RTL4: variants seen among roughly 807,000 people sequenced by gnomAD.
The protein encoded by RTL4 is retrotransposon Gag like 4.
RTL4 carries 4 observed loss-of-function variants against 5.3 expected under a neutral mutation model. The ratio of observed to expected loss-of-function variants is 0.75; its 90% CI spans 0.37 to 1.72. The LOEUF (loss-of-function observed/expected upper bound fraction) is 1.72. Ranked by LOEUF, RTL4 falls within the 40% of genes most tolerant of loss-of-function variation. The pLI is 0.04. For missense variants in RTL4, 260 were observed against 227.1 expected, an observed-to-expected ratio of 1.14 and a Z score of -0.93; for synonymous variants, 98 against 87.3, an observed-to-expected ratio of 1.12 and a Z score of -0.68.
the RTL4 span, among the ~76,000 whole-genome samples, chrX:112,201,284 T>C: frequency 9.0e-6 from 1 of 111,491 alleles, no homozygotes; most frequent in Non-Finnish European, 1.9e-5. Context: ...ATGAGGATTA[T>C]GGGGATTACA....
At chrX:112,254,817 T>C in the RTL4 span, among the ~76,000 whole-genome samples, 210 of 111,766 alleles carry the variant, frequency 1.9e-3, no homozygotes, top group African/African-American at 6.5e-3. Flanking sequence ...CTCATACAAG[T>C]ATAAAAATGA....
the RTL4 span, among the ~76,000 whole-genome samples, chrX:112,329,892 G>C: frequency 9.1e-6 from 1 of 110,229 alleles, no homozygotes; most frequent in Admixed American, 9.6e-5. Flanking sequence ...CATATAAACA[G>C]AACCAAAGAC....
chrX:112,305,653 A>G, the RTL4 span, among the ~76,000 whole-genome samples: 60 of 111,722 alleles, frequency 5.4e-4, 1 homozygote, highest in Admixed American at 1.8e-3. Context: ...CGTGAGCCAC[A>G]ACACCCGGCC....
At chrX:112,378,370 T>A in the RTL4 span, among the ~76,000 whole-genome samples, 2 of 111,793 alleles carry the variant, frequency 1.8e-5, 1 homozygote, top group Admixed American at 1.9e-4. Context: ...ATTCACTCTG[T>A]CTAGAAGACA....
chrX:112,309,552 G>C, the RTL4 span, among the ~76,000 whole-genome samples: 1 of 108,549 alleles, frequency 9.2e-6, no homozygotes, highest in Admixed American at 1.0e-4. Flanking sequence ...GCAGTGGCAC[G>C]ATCTCGGGTC....
the RTL4 span, among the ~76,000 whole-genome samples, chrX:112,096,651 G>A: frequency 9.0e-6 from 1 of 111,523 alleles, no homozygotes; most frequent in Admixed American, 9.6e-5. Context: ...TAAACAATAT[G>A]GTATAGTCAT....
the RTL4 span, among the ~76,000 whole-genome samples, chrX:112,304,673 A>T: frequency 1.3e-5 from 1 of 75,977 alleles, no homozygotes; most frequent in African/African-American, 5.4e-5. Context: ...TTTGGCTCAC[A>T]GCTATCTTTT....
the RTL4 span, among the ~76,000 whole-genome samples, chrX:112,192,658 C>T: frequency 3.6e-5 from 4 of 111,052 alleles, no homozygotes; most frequent in Admixed American, 2.9e-4. Context: ...TTCTATAGCT[C>T]CATTCTCTCT....
the RTL4 span, among the ~76,000 whole-genome samples, chrX:112,126,724 G>A: frequency 9.0e-6 from 1 of 111,361 alleles, no homozygotes; most frequent in Non-Finnish European, 1.9e-5. Context: ...TAAAAGTGAA[G>A]ACAATACTAC....
At chrX:112,166,026 C>T in the RTL4 span, among the ~76,000 whole-genome samples, 1 of 112,167 alleles carries the variant, frequency 8.9e-6, no homozygotes, top group Non-Finnish European at 1.9e-5. Flanking sequence ...TTGCTGACAC[C>T]TCCTCCATCC....
the RTL4 span, among the ~76,000 whole-genome samples, chrX:112,432,311 C>T: frequency 1.0e-3 from 94 of 92,108 alleles, 6 homozygotes; most frequent in Non-Finnish European, 1.8e-3. Flanking sequence ...ACCACACTGA[C>T]TTCCACAATG....
chrX:112,298,175 A>G, the RTL4 span, among the ~76,000 whole-genome samples: 9 of 111,614 alleles, frequency 8.1e-5, no homozygotes, highest in Admixed American at 8.6e-4. Context: ...TAAGCAATAT[A>G]TAATATTGTA....
chrX:112,083,041 G>T, the RTL4 span, among the ~76,000 whole-genome samples: 1 of 110,135 alleles, frequency 9.1e-6, no homozygotes, highest in Admixed American at 9.5e-5. Context: ...CCGCGGCCAG[G>T]GGTGGAAGGA....
At chrX:112,283,562 A>G in the RTL4 span, among the ~76,000 whole-genome samples, 1 of 111,655 alleles carries the variant, frequency 9.0e-6, no homozygotes, top group Non-Finnish European at 1.9e-5. Flanking sequence ...TATTGAATAG[A>G]TAAGAATACG....
chrX:112,351,465 G>A, the RTL4 span, among the ~76,000 whole-genome samples: 2 of 108,696 alleles, frequency 1.8e-5, no homozygotes, highest in African/African-American at 6.9e-5. Context: ...TTGACAGTGG[G>A]GTGTTAAAGT....
the RTL4 span, among the ~76,000 whole-genome samples, chrX:112,269,288 C>T: frequency 8.9e-6 from 1 of 111,861 alleles, no homozygotes; most frequent in Non-Finnish European, 1.9e-5. Context: ...AATATGAATT[C>T]ATAGCCCATT....
At chrX:112,203,606 A>G in the RTL4 span, among the ~76,000 whole-genome samples, 1 of 110,689 alleles carries the variant, frequency 9.0e-6, no homozygotes, top group African/African-American at 3.3e-5. Flanking sequence ...CCATTGATCT[A>G]TGTGTCTGTC....
chrX:112,361,537 A>G, the RTL4 span, among the ~76,000 whole-genome samples: 1 of 111,322 alleles, frequency 9.0e-6, no homozygotes, highest in African/African-American at 3.3e-5. Flanking sequence ...TCCTCTTCAA[A>G]GGCAGTTCCA....
At chrX:112,178,053 C>T in the RTL4 span, among the ~76,000 whole-genome samples, 2 of 110,228 alleles carry the variant, frequency 1.8e-5, no homozygotes, top group African/African-American at 3.3e-5. Context: ...ATGTGTTTGA[C>T]ATGTTTAACA....
Sources: gnomAD v4.1 joint callset for allele counts (sites outside exome capture counted in the v4.1 genomes callset) on GRCh38, gnomAD v4.1.1 for gene constraint, MANE v1.5 for transcripts, NCBI Gene and HGNC (gene_info 2026-07-23, HGNC 2026-07-21) for gene names.